RREB1: variants seen among roughly 807,000 people sequenced by gnomAD.
RREB1 encodes the protein ras-responsive element-binding protein 1.
Under a neutral mutation model 117.8 loss-of-function variants are expected in RREB1, and 27 were observed. That is an observed-to-expected ratio of 0.23 (90% CI 0.17 to 0.32). The LOEUF is 0.32. Among genes scored for constraint, RREB1 ranks in the 10% least tolerant of loss-of-function variants. The pLI is 1.00. For synonymous variants in RREB1, 1,298 were observed against 1,026.7 expected, an observed-to-expected ratio of 1.26 and a Z score of -5.05; for missense variants, 2,577 against 2,378.2, an observed-to-expected ratio of 1.08 and a Z score of -1.74.
chr6:7,225,712 G>A (rs762668414), intron 8 of RREB1, among the ~76,000 whole-genome samples: 9 of 152,282 alleles, frequency 5.9e-5, no homozygotes, highest in Non-Finnish European at 1.0e-4. Flanking sequence ...AAGCATGGGT[G>A]GGAGCAGGAA....
intron 1 of RREB1, among the ~76,000 whole-genome samples, chr6:7,130,556 A>G (rs1035900666): frequency 2.6e-5 from 4 of 151,320 alleles, no homozygotes; most frequent in Non-Finnish European, 4.4e-5. Context: ...AGCTTTAGTC[A>G]TGGGGTTCAC....
intron 1 of RREB1, among the ~76,000 whole-genome samples, chr6:7,125,960 T>G (rs1484795699): frequency 6.6e-6 from 1 of 151,954 alleles, no homozygotes; most frequent in African/African-American, 2.4e-5. Context: ...GTTTCCTGCT[T>G]CTTCCTGTCT....
At chr6:7,187,932 G>A (rs1054702643) in intron 5 of RREB1, among the ~76,000 whole-genome samples, 35 of 152,150 alleles carry the variant, frequency 2.3e-4, no homozygotes, top group Non-Finnish European at 4.4e-4. Flanking sequence ...AAGATAGGCG[G>A]ATCACTTGAG....
chr6:7,227,529 A>T lies in RREB1; in HGVS notation c.897+873A>T, dbSNP rs138547995. ...GCACTCCAGCCTGGGCAACAGAGCG[A>T]GACTCCGTCTAAGAAAAAAAAAATT... On this transcript the variant is annotated intron_variant, in intron 9 of 12. Transcript: ENST00000379938. Among the ~76,000 whole-genome samples, 745 of 150,284 alleles carry T rather than the reference A, an allele frequency of 5.0e-3. 6 individuals are homozygous for T. The highest frequency in any genetic ancestry group is 0.018 in the African/African-American group (712 of 40,132).
chr6:7,231,186 C>G lies in RREB1; in HGVS notation c.3087C>G (p.Leu1029=). 49 of 1,611,552 alleles carry G rather than the reference C, an allele frequency of 3.0e-5. No homozygotes were observed. The highest frequency in any genetic ancestry group is 4.2e-5 in the Non-Finnish European group (49 of 1,179,204). ...YSSALVSSPP[L]VGSSALLSGT... Reference sequence around the variant, plus strand: ...CAGCCCTGGTCAGCAGCCCTCCACTCGTGGGCAGCTCAGCCCTCCTGAGTG... The same window carrying G: ...CAGCCCTGGTCAGCAGCCCTCCACTGGTGGGCAGCTCAGCCCTCCTGAGTG... The change falls in exon 10 of 13, where the codon CTC becomes CTG. Residue 1029 remains leucine, a synonymous_variant. Coordinates refer to ENST00000379938, the MANE Select transcript of RREB1 (RefSeq NM_001003699.4).
At chr6:7,173,504 GAA>G (rs796789297) in intron 1 of RREB1, among the ~76,000 whole-genome samples, 1 of 120,246 alleles carries the variant, frequency 8.3e-6, no homozygotes, top group Non-Finnish European at 1.8e-5. Flanking sequence ...AAAACATGAA[GAA>G]AAAAAAAAAA....
intron 10 of RREB1, among the ~76,000 whole-genome samples, chr6:7,232,873 G>A (rs1768088632): frequency 6.6e-6 from 1 of 150,528 alleles, no homozygotes; most frequent in Admixed American, 6.6e-5. Context: ...TCACAGGCAT[G>A]AGCCCCCACA....
chr6:7,207,714 A>G (rs1766354738), intron 6 of RREB1, among the ~76,000 whole-genome samples: 2 of 152,236 alleles, frequency 1.3e-5, no homozygotes, highest in Admixed American at 1.3e-4. Context: ...TAGGACCAGT[A>G]TAATTCCACA....
intron 1 of RREB1, among the ~76,000 whole-genome samples, chr6:7,137,974 T>A (rs1475806301): frequency 6.6e-6 from 1 of 152,192 alleles, no homozygotes; most frequent in Admixed American, 6.5e-5. Context: ...ATAGCCCTCC[T>A]CACTCACTTA....
chr6:7,149,223 A>G (rs143532679), intron 1 of RREB1, among the ~76,000 whole-genome samples: 7 of 152,274 alleles, frequency 4.6e-5, no homozygotes, highest in Non-Finnish European at 1.0e-4. Context: ...ACGCCTGGCC[A>G]TTTGTCTGTA....
Position 7,246,708 on chromosome 6 carries a change from T to A in RREB1, c.4258T>A (p.Phe1420Ile). 8.8e-6 allele frequency: 14 copies of A among 1,584,802 alleles called. No individual in the cohort carries two copies. Among genetic ancestry groups the A allele is most frequent in the Non-Finnish European group, 1.1e-5 (13 of 1,166,010 alleles). ...ASSNQSLDLD[F>I]ATKLMDFKLA... ...GAGCAACCAGAGCCTGGACCTGGACTTCGCCACCAAGCTCATGGACTTCAA... is the reference window on the plus strand; with the variant it reads ...GAGCAACCAGAGCCTGGACCTGGACATCGCCACCAAGCTCATGGACTTCAA... Residue 1420 changes from phenylalanine to isoleucine, a missense_variant, in exon 12 of 13, where the codon TTC (phenylalanine) becomes ATC (isoleucine). Physicochemically the swap from Phe to Ile is conservative, Grantham distance 21. Transcript: ENST00000379938.
chr6:7,165,194 C>A (rs1289180444), intron 1 of RREB1, among the ~76,000 whole-genome samples: 2 of 152,162 alleles, frequency 1.3e-5, no homozygotes, highest in Non-Finnish European at 2.9e-5. Context: ...GCTCTGGAGG[C>A]AAATATTTTA....
At chr6:7,192,122 T>C (rs1765436145) in intron 6 of RREB1, among the ~76,000 whole-genome samples, 1 of 145,316 alleles carries the variant, frequency 6.9e-6, no homozygotes, top group African/African-American at 2.5e-5. Context: ...GATGATTTTT[T>C]TTTTTTTTTT....
At chr6:7,212,673 A>C (rs1485868000) in intron 8 of RREB1, 3 of 152,160 alleles carry the variant, frequency 2.0e-5, no homozygotes, top group Non-Finnish European at 4.4e-5. Flanking sequence ...TTTGGGTTTT[A>C]GAAGACAGCT....
chr6:7,139,650 T>C (rs949918713), intron 1 of RREB1, among the ~76,000 whole-genome samples: 2 of 152,164 alleles, frequency 1.3e-5, no homozygotes, highest in Admixed American at 6.5e-5. Context: ...AAAAAAAGTA[T>C]GAGAATATGA....
chr6:7,152,685 G>A (rs1199360597), intron 1 of RREB1, among the ~76,000 whole-genome samples: 1 of 152,184 alleles, frequency 6.6e-6, no homozygotes, highest in Non-Finnish European at 1.5e-5. Context: ...GAGAAGGCCA[G>A]GAGCAGCAGG....
At chr6:7,190,224 A>G (rs1284023405) in intron 6 of RREB1, among the ~76,000 whole-genome samples, 7 of 152,300 alleles carry the variant, frequency 4.6e-5, no homozygotes, top group East Asian at 1.9e-4. Flanking sequence ...TAAATTTTCT[A>G]TCCTCAAGCA....
In RREB1 at chr6:7,231,539, C is replaced by A. The variant is rs772629341; in HGVS notation, c.3440C>A (p.Ala1147Glu). 13 of 1,608,690 alleles carry A rather than the reference C, an allele frequency of 8.1e-6. No homozygotes were observed. Among genetic ancestry groups the A allele is most frequent in the Non-Finnish European group, 1.1e-5 (13 of 1,177,872 alleles). The change falls in exon 10 of 13, where the codon GCG becomes GAG. Residue 1147 changes from alanine to glutamate, a missense_variant. Ala to Glu is a moderately radical substitution (Grantham distance 107). Transcript: ENST00000379938. ...GCCTCTCCCACCGAGCAGGGCCCAG[C>A]GGGCACGTCGAAGAAGAGGGGCCGG... Reference protein sequence around the residue: ...EAASPTEQGPAGTSKKRGRKR... With the variant: ...EAASPTEQGPEGTSKKRGRKR...
rs548868275 is a variant in RREB1, at chr6:7,205,697, A to T, written c.426-5107A>T. ...AGGGAGGGAGGGTCAGCTTTTAGGG[A>T]TTGGTCTGTCTCCCTGGAGTTATTG... On this transcript the variant is annotated intron_variant, in intron 6 of 12. Coordinates refer to ENST00000379938, the MANE Select transcript of RREB1 (RefSeq NM_001003699.4). 1.6e-4 allele frequency among the ~76,000 whole-genome samples: 24 copies of T among 152,274 alleles called. 1 individual carries two copies. The South Asian group carries it at 4.8e-3, about 30-fold the overall frequency.
Sources: allele counts gnomAD v4.1 joint callset (sites outside exome capture counted in the v4.1 genomes callset), GRCh38; gene constraint gnomAD v4.1.1; transcripts MANE v1.5; gene names NCBI Gene and HGNC (gene_info 2026-07-23, HGNC 2026-07-21).